Variants in CASK observed in about 807,000 individuals in gnomAD.
CASK encodes the protein calcium/calmodulin dependent serine protein kinase.
Under a neutral mutation model 82.9 loss-of-function variants are expected in CASK, and 4 were observed. The ratio of observed to expected loss-of-function variants is 0.05; its 90% confidence interval spans 0.02 to 0.11. The LOEUF is 0.11. Among genes scored for constraint, CASK ranks in the 10% least tolerant of loss-of-function variants. The pLI, the probability that CASK is intolerant of heterozygous loss-of-function variation, is 1.00. For synonymous variants in CASK, 259 were observed against 253.5 expected (o/e 1.02, Z -0.20); for missense variants, 358 against 720.9 (o/e 0.50, Z 5.76).
chrX:41,749,401 T>C (rs1318275623), intron 3 of CASK, among the ~76,000 whole-genome samples: 2 of 90,830 alleles, frequency 2.2e-5, no homozygotes, highest in Admixed American at 2.3e-4. Context: ...TTTTTTTTTT[T>C]TTTAGACAGA....
intron 25 of CASK, among the ~76,000 whole-genome samples, chrX:41,528,242 C>T (rs934370886): frequency 4.4e-5 from 5 of 112,413 alleles, no homozygotes; most frequent in African/African-American, 1.6e-4. Flanking sequence ...GGAGTCATAA[C>T]GCCTGGCAAA....
chrX:41,913,534 G>A (rs2072620912), intron 1 of CASK, among the ~76,000 whole-genome samples: 1 of 111,470 alleles, frequency 9.0e-6, no homozygotes, highest in South Asian at 3.7e-4. Context: ...GGACCTCATA[G>A]CTAGAAATGA....
intron 1 of CASK, among the ~76,000 whole-genome samples, chrX:41,888,303 TTG>T (rs2072083939): frequency 9.0e-6 from 1 of 111,410 alleles, no homozygotes; most frequent in Non-Finnish European, 1.9e-5. Flanking sequence ...ATCTCCCATA[TTG>T]GTTGGTTGGT....
In CASK at chrX:41,641,698, T is replaced by C. The variant is rs757508281; in HGVS notation, c.832-5037A>G. 4.3e-4 allele frequency among the ~76,000 whole-genome samples: 48 copies of C among 111,632 alleles called. 1 individual carries two copies. The highest frequency in any genetic ancestry group is 3.9e-3 in the Admixed American group (41 of 10,506). On this transcript the variant is annotated intron_variant, in intron 8 of 26. Transcript: ENST00000378163. ...GGTTTTATCAAAGAAATAATTCCTA[T>C]CTTTTTTTTAATTAAAAAACTTTAC...
chrX:41,576,267 C>T (rs371216144), intron 15 of CASK, among the ~76,000 whole-genome samples: 28 of 111,089 alleles, frequency 2.5e-4, no homozygotes, highest in African/African-American at 7.2e-4. Context: ...GCCACTGCAC[C>T]GGGCCAATTC....
At chrX:41,747,707 C>T (rs949494706) in intron 3 of CASK, among the ~76,000 whole-genome samples, 2 of 112,504 alleles carry the variant, frequency 1.8e-5, no homozygotes, top group African/African-American at 6.5e-5. Context: ...TCCCAAAGTG[C>T]TGGGATTACA....
intron 5 of CASK, among the ~76,000 whole-genome samples, chrX:41,731,331 G>A (rs909138623): frequency 2.7e-5 from 3 of 111,678 alleles, no homozygotes; most frequent in Non-Finnish European, 5.7e-5. Flanking sequence ...GAGGTGGGAG[G>A]ATCTGTTGAG....
At chrX:41,690,748 A>C (rs2067539208) in intron 5 of CASK, among the ~76,000 whole-genome samples, 2 of 106,750 alleles carry the variant, frequency 1.9e-5, no homozygotes, top group African/African-American at 6.9e-5. Flanking sequence ...ATCTAGGATC[A>C]CTGCAACCTC....
intron 15 of CASK, among the ~76,000 whole-genome samples, chrX:41,572,681 T>C (rs1298850138): frequency 8.9e-6 from 1 of 112,395 alleles, no homozygotes; most frequent in Non-Finnish European, 1.9e-5. Flanking sequence ...AACACATTGT[T>C]ATTTTTGTTT....
intron 2 of CASK, among the ~76,000 whole-genome samples, chrX:41,825,645 T>C (rs764918100): frequency 8.9e-6 from 1 of 112,257 alleles, no homozygotes; most frequent in South Asian, 3.7e-4. Context: ...AATTTTATGA[T>C]GTGTTTCAGG....
chrX:41,774,428 G>T (rs1333640608), intron 3 of CASK, among the ~76,000 whole-genome samples: 1 of 111,757 alleles, frequency 8.9e-6, no homozygotes, highest in Non-Finnish European at 1.9e-5. Context: ...TGGGTAGGAA[G>T]AATCCAATAT....
At chrX:41,578,310 G>A (rs1053359858) in intron 15 of CASK, 30 bp downstream of exon 15, 1 of 1,073,770 alleles carries the variant, frequency 9.3e-7, no homozygotes. Context: ...GATCTTATGA[G>A]AGTATTGAAA....
At chrX:41,657,590 T>C (rs1384421258) in intron 8 of CASK, among the ~76,000 whole-genome samples, 1 of 111,378 alleles carries the variant, frequency 9.0e-6, no homozygotes, top group East Asian at 2.8e-4. Flanking sequence ...TGGCGTGATC[T>C]TGGCTCACTG....
At chrX:41,892,037 CA>C (rs1196445144) in intron 1 of CASK, among the ~76,000 whole-genome samples, 1 of 109,577 alleles carries the variant, frequency 9.1e-6, no homozygotes, top group Non-Finnish European at 1.9e-5. Flanking sequence ...AACAAACAAA[CA>C]AAAAATTAGC....
intron 5 of CASK, chrX:41,696,041 G>T: frequency 8.3e-7 from 1 of 1,209,300 alleles, no homozygotes; most frequent in Non-Finnish European, 1.1e-6. Context: ...TGTTTTATAT[G>T]AACATGTACA....
intron 2 of CASK, among the ~76,000 whole-genome samples, chrX:41,810,142 G>A (rs2070237044): frequency 8.9e-6 from 1 of 112,213 alleles, no homozygotes; most frequent in South Asian, 3.7e-4. Flanking sequence ...TGGGGAGAGT[G>A]GAACCAAGTT....
chrX:41,850,601 G>A (rs1299243563), intron 2 of CASK, among the ~76,000 whole-genome samples: 1 of 112,093 alleles, frequency 8.9e-6, no homozygotes, highest in Non-Finnish European at 1.9e-5. Flanking sequence ...GATATTTCTA[G>A]ATATTATTTG....
chrX:41,877,879 A>T (rs1185892025), intron 1 of CASK, among the ~76,000 whole-genome samples: 8 of 111,413 alleles, frequency 7.2e-5, no homozygotes, highest in Admixed American at 3.8e-4. Flanking sequence ...GCTACACAAC[A>T]TTGTAAATGC....
chrX:41,747,819 T>A (rs141346853), intron 3 of CASK, among the ~76,000 whole-genome samples: 111 of 112,625 alleles, frequency 9.9e-4, no homozygotes, highest in African/African-American at 3.4e-3. Flanking sequence ...TGTGAATGTG[T>A]CCCTTGCTCT....
Sources: allele counts gnomAD v4.1 joint callset (sites outside exome capture counted in the v4.1 genomes callset), GRCh38; gene constraint gnomAD v4.1.1; transcripts MANE v1.5; gene names NCBI Gene and HGNC (gene_info 2026-07-23, HGNC 2026-07-21).